Variants in CEP44 observed in about 807,000 individuals in gnomAD.
CEP44 encodes centrosomal protein 44, also known as centrosomal protein of 44 kDa.
In CEP44, 45 loss-of-function variants were observed where a neutral mutation model predicts 46.7. The ratio of observed to expected loss-of-function variants is 0.96; its 90% CI spans 0.76 to 1.24. The LOEUF is 1.24. Ranked by LOEUF, CEP44 falls within the 50% of genes most tolerant of loss-of-function variation. The probability of loss-of-function intolerance (pLI) is 0.00; values close to 1 mark genes in which losing one functional copy is unlikely to be tolerated. For synonymous variants in CEP44, 142 were observed against 146.0 expected, an observed-to-expected ratio of 0.97 and a Z score of 0.20; for missense variants, 475 against 459.7, an observed-to-expected ratio of 1.03 and a Z score of -0.30.
chr4:174,302,017 AT>A, intron 3 of CEP44, 21 bp from the exon 4 acceptor site: 1 of 1,572,544 alleles, frequency 6.4e-7, no homozygotes, highest in Non-Finnish European at 8.6e-7. Context: ...TATTAAAAAT[AT>A]TTTTCTTTTT....
Position 174,316,270 on chromosome 4 carries a change from G to C in CEP44, c.1066G>C (p.Gly356Arg), listed in dbSNP as rs1175450695. Reference sequence around the variant, plus strand: ...CAGAGCCTCTACTGTTAATTACTGTGGTTTGAATGAGATTTCAGAGGTAAG... The same window carrying C: ...CAGAGCCTCTACTGTTAATTACTGTCGTTTGAATGAGATTTCAGAGGTAAG... ...TPRASTVNYCGLNEISEETTI... is the reference protein window; with the variant it reads ...TPRASTVNYCRLNEISEETTI... Residue 356 changes from glycine (G) to arginine (R), a missense_variant, in exon 10 of 12, where the codon GGT becomes CGT. Transcript: ENST00000503780. The C allele has an allele frequency of 5.0e-6, 8 of 1,610,910 alleles. No individual in the cohort carries two copies. In the South Asian group the frequency reaches 8.8e-5, roughly 18 times the overall value.
At chr4:174,300,046 A>C (rs1200157800) in intron 3 of CEP44, among the ~76,000 whole-genome samples, 11 of 152,164 alleles carry the variant, frequency 7.2e-5, no homozygotes. Flanking sequence ...CATGGCACAT[A>C]TTAGGAGTTG....
intron 1 of CEP44, among the ~76,000 whole-genome samples, chr4:174,294,304 A>G (rs1408829756): frequency 6.6e-6 from 1 of 151,902 alleles, no homozygotes; most frequent in South Asian, 2.1e-4. Context: ...CACCACCATT[A>G]ATCCATTTAA....
downstream of CEP44, among the ~76,000 whole-genome samples, chr4:174,322,436 C>T (rs1342190330): frequency 6.6e-6 from 1 of 152,076 alleles, no homozygotes; most frequent in Non-Finnish European, 1.5e-5. Flanking sequence ...AAACATAACT[C>T]CCTCCAAATA....
downstream of CEP44, among the ~76,000 whole-genome samples, chr4:174,323,195 C>T (rs1742439267): frequency 6.6e-6 from 1 of 151,810 alleles, no homozygotes; most frequent in Non-Finnish European, 1.5e-5. Context: ...TAAAAGAAAT[C>T]CCTAAAGGCC....
intron 1 of CEP44, among the ~76,000 whole-genome samples, chr4:174,289,017 C>G (rs1443133611): frequency 6.6e-6 from 1 of 152,014 alleles, no homozygotes. Context: ...GTGCAGATGC[C>G]CATGTGAGTT....
chr4:174,292,224 C>T (rs551386240), intron 1 of CEP44, among the ~76,000 whole-genome samples: 101 of 152,232 alleles, frequency 6.6e-4, no homozygotes, highest in African/African-American at 2.4e-3. Context: ...AGAAATTCAC[C>T]AATACCTTTA....
chr4:174,318,953 G>A lies in CEP44; in HGVS notation c.*1570G>A. On this transcript the variant is annotated 3_prime_UTR_variant, in exon 12 of 12. Transcript: ENST00000503780. ...GCCTCCTGAGTAGCTGGGACTATAG[G>A]CCTGTACCGTCATGCCTGGCTAATT... The A allele has an allele frequency of 4.3e-6, 1 of 232,046 alleles. No homozygotes were observed. The highest frequency in any genetic ancestry group is 7.1e-6 in the Non-Finnish European group (1 of 141,404). The allele number at this position is 232,046 out of a possible 1,614,324, so 14.4% of individuals were successfully genotyped here.
rs1395387333 is a variant in CEP44 at position 174,309,179 on chromosome 4, A to G, written c.678+320A>G. On this transcript the variant is annotated intron_variant, in intron 7 of 11. Coordinates refer to ENST00000503780, the MANE Select transcript of CEP44 (RefSeq NM_001040157.3). The surrounding 1 kb of genome is among the most constrained non-coding windows in gnomAD (Gnocchi z 5.3). ...GCATAGTGGAGGTTCTCTACCACCT[A>G]TTTTCTTTATTGGTGAATGGAAAAG... is the stretch of plus-strand genomic sequence containing the variant. Among the ~76,000 whole-genome samples, 2 of 151,914 alleles carry G rather than the reference A, an allele frequency of 1.3e-5. No individual in the cohort carries two copies. The highest frequency in any genetic ancestry group is 2.9e-5 in the Non-Finnish European group (2 of 67,944).
downstream of CEP44, among the ~76,000 whole-genome samples, chr4:174,321,894 C>T (rs181476722): frequency 4.6e-4 from 70 of 152,050 alleles, no homozygotes; most frequent in African/African-American, 1.5e-3. Flanking sequence ...GCAAAGAGAG[C>T]GAGAGGAGAG....
chr4:174,295,198 C>G (rs1172878642), intron 1 of CEP44, among the ~76,000 whole-genome samples: 1 of 150,794 alleles, frequency 6.6e-6, no homozygotes, highest in Non-Finnish European at 1.5e-5. Context: ...GACGGGGTGG[C>G]TGCCGGGCGG....
downstream of CEP44, among the ~76,000 whole-genome samples, chr4:174,321,954 TC>T (rs1056207909): frequency 2.0e-5 from 3 of 152,084 alleles, no homozygotes; most frequent in Admixed American, 2.0e-4. Context: ...TCAATATGTA[TC>T]TTGCTTCAGA....
At chr4:174,320,340 C>T, downstream of CEP44, 1 of 966,600 alleles carries the variant, frequency 1.0e-6, no homozygotes, top group Non-Finnish European at 1.2e-6. Context: ...GACTTTGTTT[C>T]ATGCCATTCA....
In CEP44 at chr4:174,304,331, G is replaced by T. The variant is rs747113189; in HGVS notation, c.469G>T (p.Gly157Cys). 1 of 1,611,740 alleles carries T rather than the reference G, an allele frequency of 6.2e-7. No homozygotes were observed. The highest frequency in any genetic ancestry group is 1.7e-5 in the Admixed American group (1 of 59,544). ...TGAGAAAATATCTGCAGAGGCTGTTGGCGTTGATATCAGTGGCAGGTTTAT... is the reference window on the plus strand; with the variant it reads ...TGAGAAAATATCTGCAGAGGCTGTTTGCGTTGATATCAGTGGCAGGTTTAT... ...GNEKISAEAV[G>C]VDISGRFMTS... is the part of the protein sequence containing the mutation. The change falls in exon 6 of 12, where the codon GGC (glycine) becomes TGC (cysteine). Residue 157 changes from glycine to cysteine, a missense_variant. Physicochemically the swap from Gly to Cys is radical, Grantham distance 159. Transcript: ENST00000503780.
chr4:174,305,834 A>T (rs909757922), intron 6 of CEP44, among the ~76,000 whole-genome samples: 2 of 152,198 alleles, frequency 1.3e-5, no homozygotes, highest in African/African-American at 2.4e-5. Context: ...TGTGCTTTTC[A>T]ATGTTCTATT....
intron 1 of CEP44, among the ~76,000 whole-genome samples, chr4:174,296,434 T>C (rs566738304): frequency 2.9e-4 from 44 of 152,352 alleles, no homozygotes; most frequent in African/African-American, 9.9e-4. Context: ...AATTTTCTTA[T>C]AATTTCTATT....
intron 6 of CEP44, among the ~76,000 whole-genome samples, chr4:174,305,048 A>G (rs1184045942): frequency 1.3e-5 from 2 of 152,224 alleles, no homozygotes; most frequent in African/African-American, 2.4e-5. Flanking sequence ...TGAATTATCA[A>G]TGGTGTAATT....
chr4:174,308,291 T>TA (rs1740671158), intron 6 of CEP44, among the ~76,000 whole-genome samples: 1 of 152,148 alleles, frequency 6.6e-6, no homozygotes, highest in African/African-American at 2.4e-5. Context: ...GAATACTCTG[T>TA]AGCCGTAAAA....
At position 174,331,698 on chromosome 4, in the gene CEP44, T is replaced by G; in HGVS notation, c.*103T>G. 7.0e-7 allele frequency: 1 copy of G among 1,424,838 alleles called. No homozygotes were observed. The highest frequency in any genetic ancestry group is 9.3e-7 in the Non-Finnish European group (1 of 1,072,328). 88.3% of individuals were successfully genotyped at this position (1,424,838 alleles called of 1,614,324 possible). On this transcript the variant is annotated 3_prime_UTR_variant, in exon 9 of 9. Transcript: ENST00000426172. This position sits in a 1 kb window ranked among gnomAD's most constrained non-coding sequence, Gnocchi z 4.5. ...GAATTCTGCCTGGAAACCAGCTTCC[T>G]CCTCAGCTCCAGCTCTTTTAATGGG... is the stretch of plus-strand genomic sequence containing the variant.
Sources: allele counts gnomAD v4.1 joint callset (sites outside exome capture counted in the v4.1 genomes callset), GRCh38; gene constraint gnomAD v4.1.1; non-coding constraint Gnocchi (gnomAD v3.1); transcripts MANE v1.5; gene names NCBI Gene and HGNC (gene_info 2026-07-23, HGNC 2026-07-21).